Variants in UNC5D observed in about 807,000 individuals in gnomAD.
The protein encoded by UNC5D is unc-5 netrin receptor D.
A neutral mutation model predicts 105.4 loss-of-function variants in UNC5D; 39 were observed. The ratio of observed to expected loss-of-function variants is 0.37; its 90% CI spans 0.29 to 0.48. The LOEUF (loss-of-function observed/expected upper bound fraction) is 0.48, where lower values mean the gene tolerates loss of function less well. UNC5D is among the 20% of genes least tolerant of loss of function. The pLI is 0.98. For synonymous variants in UNC5D, 452 were observed against 450.4 expected, an observed-to-expected ratio of 1.00 and a Z score of -0.04; for missense variants, 991 against 1,202.4, an observed-to-expected ratio of 0.82 and a Z score of 2.60.
intron 1 of UNC5D, among the ~76,000 whole-genome samples, chr8:35,287,003 A>G (rs1037585574): frequency 2.0e-5 from 3 of 152,206 alleles, no homozygotes; most frequent in Non-Finnish European, 4.4e-5. Context: ...CTGATCACAG[A>G]GCACAGCCAG....
intron 12 of UNC5D, among the ~76,000 whole-genome samples, chr8:35,748,928 G>A (rs11992799): frequency 0.075 from 11,333 of 152,088 alleles, 1,145 homozygotes; most frequent in African/African-American, 0.23. Flanking sequence ...GAATACAGTT[G>A]TAATTACCCA....
chr8:35,706,942 C>T (rs557909223), intron 8 of UNC5D, among the ~76,000 whole-genome samples: 136 of 152,252 alleles, frequency 8.9e-4, no homozygotes, highest in Admixed American at 3.1e-3. Context: ...CTTCAAGATA[C>T]TGGGGCAACA....
At chr8:35,598,103 C>T (rs1043331583) in intron 4 of UNC5D, among the ~76,000 whole-genome samples, 4 of 152,114 alleles carry the variant, frequency 2.6e-5, no homozygotes, top group African/African-American at 4.8e-5. Flanking sequence ...AAGGCTTACT[C>T]AGATATCACT....
At position 35,726,524 on chromosome 8, in the gene UNC5D, A is replaced by C; in HGVS notation, c.1676A>C (p.Asn559Thr). Reference protein sequence around the residue: ...GHLGGRLVMPNTGVSLLIPHG... With the variant: ...GHLGGRLVMPTTGVSLLIPHG... ...TTAGGGGGGCGCTTAGTAATGCCAA[A>C]TACAGGTGGGTGGTAAGTGTGTGTT... Residue 559 changes from asparagine (N) to threonine (T), a missense_variant, in exon 10 of 17, where the codon AAT (asparagine) becomes ACT (threonine). Around this residue, in one of 3 missense-constraint regions of UNC5D, gnomAD observed 944 missense variants for 1,131.6 expected, o/e 0.83. Transcript: ENST00000404895. The C allele has an allele frequency of 6.2e-7, 1 of 1,611,714 alleles. No homozygotes were observed. Among genetic ancestry groups the C allele is most frequent in the Non-Finnish European group, 8.5e-7 (1 of 1,179,912 alleles).
chr8:35,686,229 T>C (rs1826002488), intron 6 of UNC5D, among the ~76,000 whole-genome samples: 1 of 152,180 alleles, frequency 6.6e-6, no homozygotes, highest in South Asian at 2.1e-4. Flanking sequence ...TAAGATGCAC[T>C]TGGGCATGAA....
At chr8:35,626,553 C>T (rs149581827) in intron 4 of UNC5D, among the ~76,000 whole-genome samples, 81 of 152,276 alleles carry the variant, frequency 5.3e-4, no homozygotes, top group African/African-American at 1.9e-3. Flanking sequence ...GCAGGGCACA[C>T]GTAGCCTTCA....
At chr8:35,316,485 C>T (rs1809315135) in intron 1 of UNC5D, among the ~76,000 whole-genome samples, 1 of 152,130 alleles carries the variant, frequency 6.6e-6, no homozygotes, top group Non-Finnish European at 1.5e-5. Context: ...ACACAAAACT[C>T]CTTTGTGATT....
At chr8:35,285,456 G>A (rs985080591) in intron 1 of UNC5D, among the ~76,000 whole-genome samples, 5 of 152,126 alleles carry the variant, frequency 3.3e-5, no homozygotes, top group Non-Finnish European at 5.9e-5. Context: ...AATTTCTAGT[G>A]TTCTATGAAT....
chr8:35,733,849 G>C (rs1170835226), intron 11 of UNC5D, among the ~76,000 whole-genome samples: 2 of 152,148 alleles, frequency 1.3e-5, no homozygotes, highest in Non-Finnish European at 2.9e-5. Context: ...ACTGAACTGA[G>C]TCTTAAAAGA....
intron 16 of UNC5D, among the ~76,000 whole-genome samples, chr8:35,781,417 G>A (rs552360407): frequency 9.2e-5 from 14 of 152,066 alleles, no homozygotes; most frequent in Non-Finnish European, 1.0e-4. Flanking sequence ...AAGGGGTGTC[G>A]CATTTCTTCT....
chr8:35,514,708 C>G (rs1322920314), intron 1 of UNC5D, among the ~76,000 whole-genome samples: 1 of 152,150 alleles, frequency 6.6e-6, no homozygotes, highest in Non-Finnish European at 1.5e-5. Context: ...AAAAAGAAAT[C>G]AACATTTTAA....
chr8:35,606,141 C>T lies in UNC5D; in HGVS notation c.570+10484C>T, dbSNP rs892062947. ...TAGCTGGGATTACAGGCACCCACCA[C>T]CATGCCTGGCTAATTTTTGTATTTT... On this transcript the variant is annotated intron_variant, in intron 4 of 16. Transcript: ENST00000404895. 2.0e-5 allele frequency among the ~76,000 whole-genome samples: 3 copies of T among 152,020 alleles called. No homozygotes were observed. The South Asian group carries it at 6.2e-4, about 32-fold the overall frequency.
chr8:35,556,091 C>T (rs1371154), intron 2 of UNC5D, among the ~76,000 whole-genome samples: 34,483 of 151,878 alleles, frequency 0.23, 6,025 homozygotes, highest in African/African-American at 0.48. Flanking sequence ...GTGATAATTG[C>T]ATCCACAATC....
At chr8:35,354,888 G>C (rs541753748) in intron 1 of UNC5D, among the ~76,000 whole-genome samples, 2 of 152,132 alleles carry the variant, frequency 1.3e-5, no homozygotes, top group Admixed American at 1.3e-4. Context: ...TCTGTGACCA[G>C]TCCTTCCACA....
chr8:35,758,730 G>A (rs992258444), intron 13 of UNC5D, among the ~76,000 whole-genome samples: 2 of 152,164 alleles, frequency 1.3e-5, no homozygotes, highest in Non-Finnish European at 2.9e-5. Flanking sequence ...CTGTTTTCCT[G>A]AGGTACAGCT....
chr8:35,429,249 G>A (rs1161619331), intron 1 of UNC5D, among the ~76,000 whole-genome samples: 1 of 152,112 alleles, frequency 6.6e-6, no homozygotes, highest in African/African-American at 2.4e-5. Context: ...GTCAGGAAGT[G>A]TTGTGCTAGA....
intron 1 of UNC5D, among the ~76,000 whole-genome samples, chr8:35,320,508 A>AT (rs1809657189): frequency 6.6e-6 from 1 of 152,076 alleles, no homozygotes; most frequent in African/African-American, 2.4e-5. Flanking sequence ...CAGAATGTGG[A>AT]TTTTCTCCAC....
chr8:35,636,853 A>G (rs556259710), intron 4 of UNC5D, among the ~76,000 whole-genome samples: 5 of 152,266 alleles, frequency 3.3e-5, no homozygotes, highest in African/African-American at 1.2e-4. Context: ...AATCCCAGCA[A>G]TGTTGCTGTG....
intron 11 of UNC5D, among the ~76,000 whole-genome samples, chr8:35,745,697 A>G (rs1829967244): frequency 6.6e-6 from 1 of 152,236 alleles, no homozygotes; most frequent in Admixed American, 6.5e-5. Context: ...GTGCACATAT[A>G]TGTATAGATA....
Sources: gnomAD v4.1 joint callset for allele counts (sites outside exome capture counted in the v4.1 genomes callset) on GRCh38, gnomAD v4.1.1 for gene constraint, gnomAD v4.1.1 regional missense constraint, MANE v1.5 for transcripts, NCBI Gene and HGNC (gene_info 2026-07-23, HGNC 2026-07-21) for gene names.